Variants in DTNA observed in about 807,000 individuals in gnomAD.
DTNA encodes dystrophin-related protein 3.
Under a neutral mutation model 100.7 loss-of-function variants are expected in DTNA, and 43 were observed. The observed-to-expected ratio is 0.43, with a 90% CI of 0.33 to 0.55. The LOEUF (loss-of-function observed/expected upper bound fraction) is 0.55. DTNA is among the 20% of genes least tolerant of loss of function. The probability of loss-of-function intolerance (pLI) is 0.04; values close to 1 mark genes in which losing one functional copy is unlikely to be tolerated. For synonymous variants in DTNA, 349 were observed against 347.9 expected, an observed-to-expected ratio of 1.00 and a Z score of -0.04; for missense variants, 798 against 953.9, an observed-to-expected ratio of 0.84 and a Z score of 2.15.
intron 2 of DTNA, 101 bp from the exon 3 acceptor site, chr18:34,765,860 T>G: frequency 9.1e-7 from 1 of 1,098,458 alleles, no homozygotes; most frequent in East Asian, 2.6e-5. Flanking sequence ...AAAAATAAAA[T>G]TAGGGGTAAG....
intron 1 of DTNA, among the ~76,000 whole-genome samples, chr18:34,615,640 T>C (rs2055117939): frequency 6.6e-6 from 1 of 152,174 alleles, no homozygotes; most frequent in Admixed American, 6.5e-5. Flanking sequence ...CGGGGGTTTG[T>C]TGTACAGATT....
intron 1 of DTNA, among the ~76,000 whole-genome samples, chr18:34,723,349 C>T (rs1439029563): frequency 6.6e-6 from 1 of 152,156 alleles, no homozygotes; most frequent in African/African-American, 2.4e-5. Flanking sequence ...GTGTACTTAA[C>T]CACTGTTCAG....
intron 1 of DTNA, among the ~76,000 whole-genome samples, chr18:34,517,376 A>G (rs1383122979): frequency 6.6e-6 from 1 of 152,102 alleles, no homozygotes; most frequent in Non-Finnish European, 1.5e-5. Context: ...ACAGCTTGCA[A>G]AACTGTAATA....
In DTNA at chr18:34,794,126, C is replaced by T. The variant is rs769262906; in HGVS notation, c.238C>T (p.Arg80Cys). 5.6e-6 allele frequency: 9 copies of T among 1,614,016 alleles called. No homozygotes were observed. The highest frequency in any genetic ancestry group is 1.6e-4 in the Middle Eastern group (1 of 6,082). Residue 80 changes from arginine to cysteine, a missense_variant, in exon 4 of 23, where the codon CGC becomes TGC. Transcript: ENST00000444659. ...CCCAAACACTGAACTCAACGTGTCC[C>T]GCTTAGAGGCTGTGCTCTCCACTAT... is the stretch of plus-strand genomic sequence containing the variant. ...LDPNTELNVS[R>C]LEAVLSTIFY...
In DTNA at chr18:34,601,868, A is replaced by C. The variant is rs905419476; in HGVS notation, c.-2+108354A>C. 6.0e-4 allele frequency among the ~76,000 whole-genome samples: 91 copies of C among 152,220 alleles called. No individual in the cohort carries two copies. In the Middle Eastern group the frequency reaches 0.014, roughly 23 times the overall value. ...AAACAGTTTTGGGAAGTGTAAGGAG[A>C]CTCCGTTGGGGCAATTCCTACAGAA... On this transcript the variant is annotated intron_variant, in intron 1 of 19. Coordinates refer to the DTNA transcript ENST00000283365.
chr18:34,656,233 A>G (rs2074350933), intron 1 of DTNA, among the ~76,000 whole-genome samples: 1 of 152,214 alleles, frequency 6.6e-6, no homozygotes, highest in South Asian at 2.1e-4. Context: ...TTTTATTTCC[A>G]ATTTTAGTGT....
intron 16 of DTNA, among the ~76,000 whole-genome samples, chr18:34,860,222 T>G (rs113456660): frequency 1.4e-5 from 1 of 72,224 alleles, no homozygotes; most frequent in African/African-American, 7.3e-5. Flanking sequence ...AATTTTTTGT[T>G]TTTTTTTTTT....
intron 3 of DTNA, among the ~76,000 whole-genome samples, chr18:34,770,816 C>G (rs1356345402): frequency 7.8e-6 from 1 of 127,522 alleles, no homozygotes; most frequent in Admixed American, 8.4e-5. Context: ...GAGTTTTGCT[C>G]TTTTTGCCCA....
chr18:34,554,094 A>T (rs1052646596), intron 1 of DTNA, among the ~76,000 whole-genome samples: 1 of 134,006 alleles, frequency 7.5e-6, no homozygotes, highest in Non-Finnish European at 1.6e-5. Context: ...GGTCCTTCAC[A>T]TCCCTTGTAA....
rs115366479 is a variant in DTNA at position 34,844,261 on chromosome 18, T to C, written c.1347-4035T>C. 7.8e-3 allele frequency among the ~76,000 whole-genome samples: 1,181 copies of C among 152,274 alleles called. 11 individuals carry two copies. The highest frequency in any genetic ancestry group is 0.025 in the African/African-American group (1,059 of 41,564). ...AGCCATTATTGTGGTAAATTCTTAT[T>C]GTTATCCATGAAGATTGCCATTTCA... On this transcript the variant is annotated intron_variant, in intron 13 of 22. Transcript: ENST00000444659.
chr18:34,496,607 G>A (rs1011247492), intron 1 of DTNA, among the ~76,000 whole-genome samples: 33 of 152,164 alleles, frequency 2.2e-4, no homozygotes, highest in African/African-American at 8.0e-4. Context: ...GTGGGGTGCA[G>A]GAGTGGGGCT....
intron 1 of DTNA, among the ~76,000 whole-genome samples, chr18:34,586,374 A>G (rs1378028079): frequency 1.3e-5 from 2 of 151,978 alleles, no homozygotes; most frequent in African/African-American, 4.8e-5. Context: ...GGTTGTTACA[A>G]AGTAAAACTG....
At chr18:34,607,052 CTG>C (rs1265288348) in intron 1 of DTNA, among the ~76,000 whole-genome samples, 2 of 152,200 alleles carry the variant, frequency 1.3e-5, no homozygotes, top group Non-Finnish European at 2.9e-5. Flanking sequence ...GGCCTCCCAT[CTG>C]TATCCAGTTC....
chr18:34,507,253 T>C (rs1397148991), intron 1 of DTNA, among the ~76,000 whole-genome samples: 3 of 152,168 alleles, frequency 2.0e-5, no homozygotes, highest in Non-Finnish European at 4.4e-5. Flanking sequence ...CCATCCCAGC[T>C]CTTGCTCTAC....
rs74561505 is a variant in DTNA, at chr18:34,736,268, C to T, written c.-1-19708C>T. ...TACTCACACACTACACATATGTATG[C>T]GTGCACTATTTGTCATTTGTTTCCA... On this transcript the variant is annotated intron_variant, in intron 1 of 22. Coordinates refer to ENST00000444659, the MANE Select transcript of DTNA (RefSeq NM_001386795.1). Among the ~76,000 whole-genome samples the T allele has an allele frequency of 7.4e-3, 1,126 of 152,236 alleles. 14 individuals carry two copies. Among genetic ancestry groups the T allele is most frequent in the African/African-American group, 0.025 (1,052 of 41,530 alleles).
chr18:34,505,554 T>C (rs1304869135), intron 1 of DTNA, among the ~76,000 whole-genome samples: 1 of 152,184 alleles, frequency 6.6e-6, no homozygotes, highest in Non-Finnish European at 1.5e-5. Context: ...TTATTCAAAT[T>C]GAGTGATTTC....
chr18:34,611,755 G>T (rs2054254993), intron 1 of DTNA, among the ~76,000 whole-genome samples: 2 of 152,158 alleles, frequency 1.3e-5, no homozygotes, highest in South Asian at 4.1e-4. Flanking sequence ...CCATGGAGGA[G>T]CTACTTCACC....
chr18:34,503,590 G>C (rs1452697011), intron 1 of DTNA, among the ~76,000 whole-genome samples: 1 of 151,634 alleles, frequency 6.6e-6, no homozygotes, highest in Admixed American at 6.6e-5. Context: ...GGCCTAGTTG[G>C]CTCATATTTT....
At chr18:34,728,916 G>A (rs990731273) in intron 1 of DTNA, among the ~76,000 whole-genome samples, 1 of 152,144 alleles carries the variant, frequency 6.6e-6, no homozygotes, top group Admixed American at 6.5e-5. Context: ...CTTGGGGTGT[G>A]TGTACAGCCC....
Sources: allele counts gnomAD v4.1 joint callset (sites outside exome capture counted in the v4.1 genomes callset), GRCh38; gene constraint gnomAD v4.1.1; transcripts MANE v1.5; gene names NCBI Gene and HGNC (gene_info 2026-07-23, HGNC 2026-07-21).